The following SLC8A3 variants were observed in gnomAD, a reference collection of about 807,000 sequenced individuals.
SLC8A3 encodes solute carrier family 8 member A3, also known as sodium/calcium exchanger 3.
A neutral mutation model predicts 65.4 loss-of-function variants in SLC8A3; 37 were observed. The observed-to-expected ratio is 0.57, with a 90% CI of 0.44 to 0.74. The LOEUF (loss-of-function observed/expected upper bound fraction) is 0.74, where lower values mean the gene tolerates loss of function less well. Ranked by LOEUF, SLC8A3 falls within the 30% of genes least tolerant of loss-of-function variation. The pLI is 0.00. For synonymous variants in SLC8A3, 461 were observed against 444.5 expected, an observed-to-expected ratio of 1.04 and a Z score of -0.47; for missense variants, 1,112 against 1,172.1, an observed-to-expected ratio of 0.95 and a Z score of 0.75.
intron 2 of SLC8A3, among the ~76,000 whole-genome samples, chr14:70,127,433 C>G (rs1894541699): frequency 6.6e-6 from 1 of 152,156 alleles, no homozygotes; most frequent in African/African-American, 2.4e-5. Flanking sequence ...GACCCGTGTT[C>G]TTTGACCATT....
chr14:70,115,879 T>C (rs1051417414), intron 2 of SLC8A3, among the ~76,000 whole-genome samples: 2 of 152,048 alleles, frequency 1.3e-5, no homozygotes, highest in African/African-American at 4.8e-5. Flanking sequence ...CACCTGTAGA[T>C]TTCTAGAAAA....
intron 2 of SLC8A3, among the ~76,000 whole-genome samples, chr14:70,097,540 G>A (rs1892270823): frequency 6.6e-6 from 1 of 152,164 alleles, no homozygotes; most frequent in African/African-American, 2.4e-5. Flanking sequence ...ACCTCTCTGT[G>A]CCTCAGTTTC....
chr14:70,106,431 G>A (rs1373044826), intron 2 of SLC8A3, among the ~76,000 whole-genome samples: 1 of 152,062 alleles, frequency 6.6e-6, no homozygotes, highest in South Asian at 2.1e-4. Flanking sequence ...TTAGTATTTA[G>A]AGGCACCTTT....
At chr14:70,128,263 A>G (rs1031963142) in intron 2 of SLC8A3, among the ~76,000 whole-genome samples, 2 of 152,146 alleles carry the variant, frequency 1.3e-5, no homozygotes, top group African/African-American at 4.8e-5. Context: ...CTTTCAATGG[A>G]CACAACTGCT....
intron 2 of SLC8A3, 47 bp from the exon 3 acceptor site, chr14:70,060,986 T>C: frequency 2.3e-6 from 2 of 861,312 alleles, no homozygotes. Flanking sequence ...GTCGGTAGAT[T>C]GGTTGGTCAC....
chr14:70,101,438 G>A (rs1892544308), intron 2 of SLC8A3, among the ~76,000 whole-genome samples: 1 of 151,688 alleles, frequency 6.6e-6, no homozygotes, highest in African/African-American at 2.4e-5. Flanking sequence ...AAAGAGAGAA[G>A]ACTAAAAAAA....
At chr14:70,083,455 G>A (rs781015484) in intron 2 of SLC8A3, among the ~76,000 whole-genome samples, 14 of 152,180 alleles carry the variant, frequency 9.2e-5, no homozygotes, top group Non-Finnish European at 1.9e-4. Context: ...AGCTGCAAAC[G>A]TCTTAAGTTT....
intron 2 of SLC8A3, among the ~76,000 whole-genome samples, chr14:70,135,543 G>A (rs1317436605): frequency 6.6e-6 from 1 of 152,128 alleles, no homozygotes; most frequent in African/African-American, 2.4e-5. Flanking sequence ...CATACAAAAT[G>A]GAATACCATT....
chr14:70,187,639 G>GTGTGTGTGTT (rs775352761), intron 1 of SLC8A3, among the ~76,000 whole-genome samples: 3,025 of 128,072 alleles, frequency 0.024, 106 homozygotes, highest in Middle Eastern at 0.074. Flanking sequence ...GTGTGTGTGT[G>GTGTGTGTGTT]TCCGCGCGCG....
chr14:70,121,804 T>A (rs2140184439), intron 2 of SLC8A3, among the ~76,000 whole-genome samples: 1 of 150,678 alleles, frequency 6.6e-6, no homozygotes, highest in African/African-American at 2.4e-5. Flanking sequence ...AATGAGGCTT[T>A]CTTTTCAAAA....
At chr14:70,183,414 C>T (rs933326590) in intron 1 of SLC8A3, among the ~76,000 whole-genome samples, 2 of 152,180 alleles carry the variant, frequency 1.3e-5, no homozygotes, top group African/African-American at 4.8e-5. Context: ...TCTCCATGGA[C>T]CTAAATTCTA....
chr14:70,154,948 GT>G (rs1896487171), intron 2 of SLC8A3, among the ~76,000 whole-genome samples: 1 of 134,922 alleles, frequency 7.4e-6, no homozygotes, highest in African/African-American at 2.8e-5. Flanking sequence ...GAGACAGAGT[GT>G]CACTCTGTCA....
intron 2 of SLC8A3, among the ~76,000 whole-genome samples, chr14:70,076,429 G>A (rs1411344977): frequency 6.6e-6 from 1 of 152,184 alleles, no homozygotes; most frequent in Non-Finnish European, 1.5e-5. Flanking sequence ...TAGACCACAC[G>A]CAATATATAT....
At chr14:70,169,944 C>G (rs969052413) in intron 1 of SLC8A3, among the ~76,000 whole-genome samples, 1 of 152,096 alleles carries the variant, frequency 6.6e-6, no homozygotes, top group African/African-American at 2.4e-5. Flanking sequence ...TAAATCCTAT[C>G]AACTCTTTCT....
chr14:70,151,212 C>T (rs1896249764), intron 2 of SLC8A3, among the ~76,000 whole-genome samples: 2 of 151,462 alleles, frequency 1.3e-5, no homozygotes, highest in African/African-American at 2.4e-5. Flanking sequence ...CGAGATCGTG[C>T]CACTGCACTC....
At chr14:70,051,739 C>T (rs1024461368) in intron 4 of SLC8A3, among the ~76,000 whole-genome samples, 19 of 152,076 alleles carry the variant, frequency 1.2e-4, no homozygotes, top group Non-Finnish European at 1.3e-4. Flanking sequence ...AATGATAATA[C>T]ATCTCAGGAC....
intron 1 of SLC8A3, among the ~76,000 whole-genome samples, chr14:70,170,959 C>T (rs1162267395): frequency 6.6e-6 from 1 of 152,162 alleles, no homozygotes; most frequent in Admixed American, 6.5e-5. Context: ...CAGCATCCAT[C>T]TTCAAAGGTT....
At chr14:70,187,260 GGAGAGAGAGAGAAAGA>G (rs927795192) in intron 1 of SLC8A3, 1 of 145,684 alleles carries the variant, frequency 6.9e-6, no homozygotes, top group African/African-American at 2.6e-5. Flanking sequence ...CAGGAAAGGG[GGAGAGAGAGAGAAAGA>G]GAGAGAGAGA....
intron 3 of SLC8A3, among the ~76,000 whole-genome samples, chr14:70,057,102 G>T (rs1888213273): frequency 6.6e-6 from 1 of 152,088 alleles, no homozygotes; most frequent in Non-Finnish European, 1.5e-5. Flanking sequence ...GAATCTGTAG[G>T]AATGCAACTC....
Sources: gnomAD v4.1 joint callset for allele counts (sites outside exome capture counted in the v4.1 genomes callset) on GRCh38, gnomAD v4.1.1 for gene constraint, MANE v1.5 for transcripts, NCBI Gene and HGNC (gene_info 2026-07-23, HGNC 2026-07-21) for gene names.